Variants in PPP1R13L observed in about 807,000 individuals in gnomAD.
PPP1R13L encodes the protein protein phosphatase 1 regulatory subunit 13 like.
PPP1R13L carries 50 observed loss-of-function variants against 80.9 expected under a neutral mutation model. The ratio of observed to expected loss-of-function variants is 0.62; its 90% CI spans 0.49 to 0.78. The LOEUF is 0.78. Among genes scored for constraint, PPP1R13L ranks in the 30% least tolerant of loss-of-function variants. The pLI is 0.00. For missense variants in PPP1R13L, 1,200 were observed against 1,205.9 expected, an observed-to-expected ratio of 1.00 and a Z score of 0.07; for synonymous variants, 602 against 534.3, an observed-to-expected ratio of 1.13 and a Z score of -1.75.
rs1555780532 is a variant in PPP1R13L at position 45,382,742 on chromosome 19, G to A, written c.2249-16C>T. On this transcript the variant is annotated splice_polypyrimidine_tract_variant and intron_variant, in intron 11 of 12. Coordinates refer to ENST00000360957, the MANE Select transcript of PPP1R13L (RefSeq NM_006663.4). ...TGCTCGACGTCTGAAACATGCCACG[G>A]AGGGGAAGGTGAGAGCCTGGCCCAG... 6.2e-7 allele frequency: 1 copy of A among 1,613,420 alleles called. No homozygotes were observed.
intron 8 of PPP1R13L, among the ~76,000 whole-genome samples, chr19:45,386,635 T>C (rs944824941): frequency 1.1e-5 from 1 of 91,056 alleles, no homozygotes; most frequent in Non-Finnish European, 2.1e-5. Context: ...TTTTCTCTTT[T>C]TTTTTTTTTT....
chr19:45,382,569 C>G lies in PPP1R13L; in HGVS notation c.2406G>C (p.Ala802=), dbSNP rs377743128. 1 of 1,613,290 alleles carries G rather than the reference C, an allele frequency of 6.2e-7. No homozygotes were observed. Among genetic ancestry groups the G allele is most frequent in the African/African-American group, 1.3e-5 (1 of 74,934 alleles). The change falls in exon 12 of 13, where the codon GCG becomes GCC. Residue 802 remains alanine, a synonymous_variant. Transcript: ENST00000360957. ...GPEETDWWWA[A]LHGQEGYVPR... is the part of the protein sequence containing the mutation. ...GCACGTAGCCCTCCTGGCCGTGCAG[C>G]GCGGCCCACCACCAGTCGGTCTCCT...
chr19:45,396,961 C>T lies in PPP1R13L; in HGVS notation c.296G>A (p.Arg99Gln), dbSNP rs1237394114. The T allele has an allele frequency of 7.1e-7, 1 of 1,411,580 alleles. No homozygotes were observed. Among genetic ancestry groups the T allele is most frequent in the Non-Finnish European group, 9.2e-7 (1 of 1,082,844 alleles). 87.4% of individuals were successfully genotyped at this position (1,411,580 alleles called of 1,614,324 possible). A position where few individuals can be genotyped will look rare whatever the true frequency, so the allele number is the denominator to read the frequency against. The stretch of plus-strand genomic sequence containing the variant: ...GTGTAGGGTTGGGGCACTCTCTGAT[C>T]GTCCGAACGGGGTGTCTGCGCCGTC... ...ATDGADTPFGRSESAPTLHPY... is the reference protein window; with the variant it reads ...ATDGADTPFGQSESAPTLHPY... Residue 99 changes from arginine (R) to glutamine (Q), a missense_variant, in exon 4 of 13, where the codon CGA (arginine) becomes CAA (glutamine). Transcript: ENST00000360957. This position sits in a 1 kb window ranked among gnomAD's most constrained non-coding sequence, Gnocchi z 5.3.
intron 1 of PPP1R13L, 38 bp from the exon 2 acceptor site, chr19:45,398,377 GC>G: frequency 6.3e-7 from 1 of 1,592,936 alleles, no homozygotes; most frequent in Admixed American, 1.7e-5. Flanking sequence ...CTAAGACCCC[GC>G]CCCTCTAGAC....
chr19:45,396,568 A>G lies in PPP1R13L; in HGVS notation c.689T>C (p.Phe230Ser). 6.6e-7 allele frequency: 1 copy of G among 1,515,262 alleles called. No individual in the cohort carries two copies. 93.9% of individuals were successfully genotyped at this position (1,515,262 alleles called of 1,614,324 possible). Residue 230 changes from phenylalanine to serine, a missense_variant, in exon 4 of 13, where the codon TTC (phenylalanine) becomes TCC (serine). This residue lies in a region of PPP1R13L where 764 missense variants were observed against 714.5 expected (regional missense o/e 1.07). Transcript: ENST00000360957. The surrounding 1 kb of genome is among the most constrained non-coding windows in gnomAD (Gnocchi z 5.3). The stretch of plus-strand genomic sequence containing the variant: ...ACCTTGCGCGCGCAGAGGCGGGGCG[A>G]ATGCGCTGCCGCCGGAGCCTAGCAG... The part of the protein sequence containing the change: ...SSLLGSGGSA[F>S]APPLRAQDDL...
intron 3 of PPP1R13L, among the ~76,000 whole-genome samples, 183 bp from the exon 4 acceptor site, chr19:45,397,241 C>T (rs982870522): frequency 1.3e-5 from 2 of 152,270 alleles, no homozygotes; most frequent in African/African-American, 4.8e-5. Flanking sequence ...TGAATCAGCA[C>T]TGTGGCTAGC....
intron 8 of PPP1R13L, among the ~76,000 whole-genome samples, chr19:45,391,125 G>C (rs750685966): frequency 1.1e-4 from 16 of 151,970 alleles, no homozygotes; most frequent in Non-Finnish European, 2.1e-4. Flanking sequence ...TTGAACCTGG[G>C]AGGCGGAGGT....
Position 45,396,822 on chromosome 19 carries a change from G to A in PPP1R13L, c.435C>T (p.Ala145=). 6.9e-7 allele frequency: 1 copy of A among 1,456,128 alleles called. No individual in the cohort carries two copies. Among genetic ancestry groups the A allele is most frequent in the Non-Finnish European group, 9.0e-7 (1 of 1,112,814 alleles). The allele number at this position is 1,456,128 out of a possible 1,614,324, so 90.2% of individuals were successfully genotyped here. A position where few individuals can be genotyped will look rare whatever the true frequency, so the allele number is the denominator to read the frequency against. The change falls in exon 4 of 13, where the codon GCC becomes GCT. Residue 145 remains alanine, a synonymous_variant. Transcript: ENST00000360957. This position sits in a 1 kb window ranked among gnomAD's most constrained non-coding sequence, Gnocchi z 5.3. ...LDRATSPRPR[A]FDGAGSSLGR... ...CGAGGGAGCTGCCTGCGCCATCGAAGGCGCGGGGCCGGGGCGAGGTCGCGC... is the reference window on the plus strand; with the variant it reads ...CGAGGGAGCTGCCTGCGCCATCGAAAGCGCGGGGCCGGGGCGAGGTCGCGC...
chr19:45,399,973 C>T (rs1973199471), intron 1 of PPP1R13L, among the ~76,000 whole-genome samples: 1 of 151,682 alleles, frequency 6.6e-6, no homozygotes, highest in African/African-American at 2.4e-5. Flanking sequence ...AATTGAGGGG[C>T]CACTCCCTTC....
chr19:45,388,718 T>C (rs1972913838), intron 8 of PPP1R13L, among the ~76,000 whole-genome samples: 1 of 152,062 alleles, frequency 6.6e-6, no homozygotes, highest in Non-Finnish European at 1.5e-5. Context: ...ATAATTATTT[T>C]TTTTAAGAGA....
In PPP1R13L at chr19:45,382,555, T is replaced by A; in HGVS notation, c.2420A>T (p.Glu807Val). ...GAAGTAGTTCCGCGGCACGTAGCCC[T>A]CCTGGCCGTGCAGCGCGGCCCACCA... Reference protein sequence around the residue: ...DWWWAALHGQEGYVPRNYFGL... With the variant: ...DWWWAALHGQVGYVPRNYFGL... Residue 807 changes from glutamate to valine, a missense_variant, in exon 12 of 13, where the codon GAG becomes GTG. By Grantham distance (121) the Glu-to-Val change is moderately radical. Transcript: ENST00000360957. 6.2e-7 allele frequency: 1 copy of A among 1,613,176 alleles called. No homozygotes were observed. Among genetic ancestry groups the A allele is most frequent in the Middle Eastern group, 1.7e-4 (1 of 6,060 alleles).
At position 45,396,888 on chromosome 19, in the gene PPP1R13L, G is replaced by C. The variant is rs1599775174; in HGVS notation, c.369C>G (p.Thr123=). The change falls in exon 4 of 13, where the codon ACC becomes ACG. Residue 123 remains threonine, a synonymous_variant. Transcript: ENST00000360957. The surrounding 1 kb of genome is among the most constrained non-coding windows in gnomAD (Gnocchi z 5.3). ...SPKGRPSSPR[T]PLYLQPDAYG... Reference sequence around the variant, plus strand: ...AGGCGTCCGGCTGCAGGTAGAGCGGGGTGCGCGGCGACGACGGCCGTCCCT... The same window carrying C: ...AGGCGTCCGGCTGCAGGTAGAGCGGCGTGCGCGGCGACGACGGCCGTCCCT... 1 of 1,525,328 alleles carries C rather than the reference G, an allele frequency of 6.6e-7. No individual in the cohort carries two copies. Among genetic ancestry groups the C allele is most frequent in the East Asian group, 2.6e-5 (1 of 37,746 alleles). 94.5% of individuals were successfully genotyped at this position (1,525,328 alleles called of 1,614,324 possible).
At chr19:45,385,076 C>T (rs1052405032) in intron 11 of PPP1R13L, among the ~76,000 whole-genome samples, 1 of 152,034 alleles carries the variant, frequency 6.6e-6, no homozygotes, top group Admixed American at 6.6e-5. Context: ...GCCTACTTCG[C>T]CCTGCCCGTC....
Position 45,380,185 on chromosome 19 carries a change from T to C in PPP1R13L, c.*5A>G. On this transcript the variant is annotated 3_prime_UTR_variant, in exon 13 of 13. Transcript: ENST00000360957. The stretch of plus-strand genomic sequence containing the variant: ...TGTCAGCCTCAGAAACCTCCTTCTA[T>C]CCTGCTAGACTTTACTCCTTTGAGG... 1.2e-6 allele frequency: 2 copies of C among 1,613,964 alleles called. No individual in the cohort carries two copies. The highest frequency in any genetic ancestry group is 1.7e-6 in the Non-Finnish European group (2 of 1,179,942).
At chr19:45,382,996 C>CTTTTTTTTTT (rs60366714) in intron 11 of PPP1R13L, among the ~76,000 whole-genome samples, 21 of 126,276 alleles carry the variant, frequency 1.7e-4, no homozygotes, top group East Asian at 2.3e-4. Context: ...TCTTTTCTTT[C>CTTTTTTTTTT]TTTTTTTTTT....
intron 12 of PPP1R13L, among the ~76,000 whole-genome samples, chr19:45,381,508 A>C (rs899873374): frequency 4.6e-5 from 7 of 152,162 alleles, no homozygotes; most frequent in African/African-American, 1.7e-4. Flanking sequence ...CTTGGCTAAA[A>C]TGGATTATTC....
intron 1 of PPP1R13L, among the ~76,000 whole-genome samples, chr19:45,399,347 G>A (rs1005172387): frequency 5.3e-5 from 8 of 150,426 alleles, no homozygotes; most frequent in South Asian, 2.1e-4. Flanking sequence ...AATATCCGCC[G>A]GGCGCGGTGG....
intron 1 of PPP1R13L, among the ~76,000 whole-genome samples, chr19:45,400,299 A>G (rs889026711): frequency 6.6e-6 from 1 of 151,870 alleles, no homozygotes. Flanking sequence ...TCACTGGCCC[A>G]GTGGGAGGGA....
chr19:45,383,205 A>G (rs567280214), intron 11 of PPP1R13L, among the ~76,000 whole-genome samples: 1 of 150,494 alleles, frequency 6.6e-6, no homozygotes, highest in African/African-American at 2.4e-5. Context: ...CGTGTTAGCC[A>G]GGATGGTCTC....
Sources: allele counts gnomAD v4.1 joint callset (sites outside exome capture counted in the v4.1 genomes callset), GRCh38; gene constraint gnomAD v4.1.1; regional missense constraint gnomAD v4.1.1; non-coding constraint Gnocchi (gnomAD v3.1); transcripts MANE v1.5; gene names NCBI Gene and HGNC (gene_info 2026-07-23, HGNC 2026-07-21).